Variants in VPS13B observed in about 807,000 individuals in gnomAD.
VPS13B encodes the protein intermembrane lipid transfer protein VPS13B.
A neutral mutation model predicts 426.4 loss-of-function variants in VPS13B; 285 were observed. That is an observed-to-expected ratio of 0.67 (90% CI 0.61 to 0.74). VPS13B has a LOEUF of 0.74. VPS13B is among the 30% of genes least tolerant of loss of function. VPS13B has a pLI of 0.00. For missense variants in VPS13B, 4,537 were observed against 4,782.6 expected (o/e 0.95, Z 1.51); for synonymous variants, 1,676 against 1,676.4 (o/e 1.00, Z 0.01).
chr8:99,127,842 T>A (rs1489574536), intron 8 of VPS13B, among the ~76,000 whole-genome samples: 2 of 152,200 alleles, frequency 1.3e-5, no homozygotes, highest in Non-Finnish European at 2.9e-5. Context: ...TACTGTATTT[T>A]AAAAGGTAAG....
intron 54 of VPS13B, among the ~76,000 whole-genome samples, chr8:99,843,679 T>C (rs1352654648): frequency 2.0e-5 from 3 of 152,252 alleles, no homozygotes; most frequent in Non-Finnish European, 4.4e-5. Flanking sequence ...GTCTATACCC[T>C]GGCAGCAAGA....
rs145736779 is a variant in VPS13B, at chr8:99,406,532, A to G, written c.3082+14828A>G. Among the ~76,000 whole-genome samples, 267 of 152,320 alleles carry G rather than the reference A, an allele frequency of 1.8e-3. 1 individual carries two copies. The highest frequency in any genetic ancestry group is 6.3e-3 in the African/African-American group (260 of 41,572). Reference sequence around the variant, plus strand: ...AATATTCAGAAGGAGTTAGCAGCTCATGGCACAATTTCACTTCGTGTGCAT... The same window carrying G: ...AATATTCAGAAGGAGTTAGCAGCTCGTGGCACAATTTCACTTCGTGTGCAT... On this transcript the variant is annotated intron_variant, in intron 21 of 61. Transcript: ENST00000357162.
intron 19 of VPS13B, among the ~76,000 whole-genome samples, chr8:99,290,954 C>A (rs2133044944): frequency 6.6e-6 from 1 of 152,134 alleles, no homozygotes; most frequent in East Asian, 1.9e-4. Flanking sequence ...CCTTGAAAGT[C>A]ATTTTAAAGG....
At chr8:99,410,453 A>G (rs997682133) in intron 21 of VPS13B, among the ~76,000 whole-genome samples, 26 of 152,212 alleles carry the variant, frequency 1.7e-4, no homozygotes, top group African/African-American at 4.8e-4. Context: ...TTCTTTCTCA[A>G]ACAAACTCCA....
chr8:99,876,317 A>ATG lies in VPS13B; in HGVS notation c.*655_*656dup, dbSNP rs1817699683. 6.5e-6 allele frequency: 1 copy of ATG among 153,074 alleles called. No individual in the cohort carries two copies. 9.5% of individuals were successfully genotyped at this position (153,074 alleles called of 1,614,324 possible). On this transcript the variant is annotated 3_prime_UTR_variant, in exon 62 of 62. Transcript: ENST00000357162. Reference sequence around the variant, plus strand: ...GCAGTGCTATTCTTTGAAAGCTGCTATGTGTATTTTCTCTGAAGTCTGCAT... The same window carrying ATG: ...GCAGTGCTATTCTTTGAAAGCTGCTATGTGTGTATTTTCTCTGAAGTCTGCAT...
Position 99,169,626 on chromosome 8 carries a change from A to T in VPS13B, c.2209-413A>T, listed in dbSNP as rs75893947. On this transcript the variant is annotated intron_variant, in intron 15 of 61. Coordinates refer to ENST00000357162, the MANE Select transcript of VPS13B (RefSeq NM_152564.5). ...TACATTTTTAAACAGTTTTTCTTGT[A>T]GTTAATGTTATTTTAGTCATAAAAT... 5.4e-4 allele frequency among the ~76,000 whole-genome samples: 78 copies of T among 145,530 alleles called. No homozygotes were observed. In the East Asian group the frequency reaches 0.015, roughly 29 times the overall value.
chr8:99,400,276 G>A (rs949311988), intron 21 of VPS13B, among the ~76,000 whole-genome samples: 2 of 152,140 alleles, frequency 1.3e-5, no homozygotes, highest in African/African-American at 4.8e-5. Flanking sequence ...AAAAGAGGGA[G>A]GGGGAAATAA....
chr8:99,418,467 CTT>C (rs1404904010), intron 21 of VPS13B, among the ~76,000 whole-genome samples: 3 of 119,840 alleles, frequency 2.5e-5, no homozygotes, highest in African/African-American at 6.8e-5. Context: ...TTCTTTCTTT[CTT>C]TCTTTCTTTC....
chr8:99,846,764 C>T (rs1034433945), intron 54 of VPS13B, among the ~76,000 whole-genome samples: 1 of 152,166 alleles, frequency 6.6e-6, no homozygotes, highest in Non-Finnish European at 1.5e-5. Context: ...GAAACCATCA[C>T]CTTACCTTAG....
chr8:99,208,889 G>GC (rs1314888842), intron 17 of VPS13B, among the ~76,000 whole-genome samples: 1 of 152,128 alleles, frequency 6.6e-6, no homozygotes, highest in Non-Finnish European at 1.5e-5. Context: ...AGGTTTAAAA[G>GC]CTGTTGAAGA....
intron 19 of VPS13B, among the ~76,000 whole-genome samples, chr8:99,312,153 A>C (rs867700858): frequency 2.0e-5 from 3 of 152,170 alleles, no homozygotes; most frequent in Non-Finnish European, 4.4e-5. Flanking sequence ...TAATTGGAAC[A>C]TTTAGCCCAT....
intron 19 of VPS13B, among the ~76,000 whole-genome samples, chr8:99,278,339 G>A (rs960061296): frequency 2.0e-5 from 3 of 152,070 alleles, no homozygotes; most frequent in African/African-American, 4.8e-5. Context: ...GAATGTGAGG[G>A]AATGGACAGC....
At chr8:99,345,846 C>G (rs16897273) in intron 19 of VPS13B, among the ~76,000 whole-genome samples, 2 of 152,120 alleles carry the variant, frequency 1.3e-5, no homozygotes, top group African/African-American at 2.4e-5. Flanking sequence ...AATTAAGAAC[C>G]CCTCCAACCA....
intron 21 of VPS13B, among the ~76,000 whole-genome samples, chr8:99,399,923 G>A (rs898505639): frequency 2.0e-5 from 3 of 152,072 alleles, no homozygotes; most frequent in Middle Eastern, 3.4e-3. Flanking sequence ...TTGTTGGATC[G>A]TTTTCTTGAG....
At chr8:99,468,533 AT>A (rs1318301646) in intron 24 of VPS13B, among the ~76,000 whole-genome samples, 5 of 152,056 alleles carry the variant, frequency 3.3e-5, no homozygotes, top group African/African-American at 1.2e-4. Flanking sequence ...TTATAAGCCA[AT>A]TTTTAAGAGT....
At chr8:99,325,547 T>A (rs1468135728) in intron 19 of VPS13B, among the ~76,000 whole-genome samples, 1 of 152,208 alleles carries the variant, frequency 6.6e-6, no homozygotes. Flanking sequence ...TTTTGTGAAA[T>A]GTATTATTCA....
chr8:99,269,711 G>C (rs1018899475), intron 17 of VPS13B, among the ~76,000 whole-genome samples: 1 of 152,130 alleles, frequency 6.6e-6, no homozygotes, highest in Non-Finnish European at 1.5e-5. Flanking sequence ...CACAGTTTCT[G>C]AGAGAAGTAT....
chr8:99,064,331 A>C (rs543703688), intron 3 of VPS13B, among the ~76,000 whole-genome samples: 1 of 152,334 alleles, frequency 6.6e-6, no homozygotes, highest in South Asian at 2.1e-4. Context: ...GGATGGTCGA[A>C]TCCATTGCAA....
intron 33 of VPS13B, among the ~76,000 whole-genome samples, chr8:99,615,494 C>T (rs1828047684): frequency 6.6e-6 from 1 of 152,166 alleles, no homozygotes; most frequent in Non-Finnish European, 1.5e-5. Flanking sequence ...GTAGACACTC[C>T]TCAAAAGTTG....
Sources: allele counts gnomAD v4.1 joint callset (sites outside exome capture counted in the v4.1 genomes callset), GRCh38; gene constraint gnomAD v4.1.1; transcripts MANE v1.5; gene names NCBI Gene and HGNC (gene_info 2026-07-23, HGNC 2026-07-21).